HCAR1: variants seen among roughly 807,000 people sequenced by gnomAD.
HCAR1 encodes the protein hydroxycarboxylic acid receptor 1, also known as G protein-coupled receptor 104.
For synonymous variants in HCAR1, 183 were observed against 182.1 expected (o/e 1.01, Z -0.04); for missense variants, 445 against 448.7 (o/e 0.99, Z 0.07).
In HCAR1 at chr12:122,729,629, C is replaced by G. The variant is rs1877883420; in HGVS notation, c.711G>C (p.Val237=). Residue 237 remains valine (V), a synonymous_variant, in exon 1 of 1, where the codon GTG becomes GTC. Coordinates refer to ENST00000432564, the MANE Select transcript of HCAR1 (RefSeq NM_032554.4). The part of the protein sequence containing the change: ...IVFITCYLPS[V]SARLYFLWTV... Reference sequence around the variant, plus strand: ...TCCAGAGGAAATAGAGTCTAGCAGACACGCTGGGCAGGTAGCATGTGATGA... The same window carrying G: ...TCCAGAGGAAATAGAGTCTAGCAGAGACGCTGGGCAGGTAGCATGTGATGA... 40 of 1,614,128 alleles carry G rather than the reference C, an allele frequency of 2.5e-5. No homozygotes were observed. The highest frequency in any genetic ancestry group is 3.4e-5 in the Non-Finnish European group (40 of 1,180,028).
rs1205275642 is a variant in HCAR1 at position 122,726,922 on chromosome 12, A to ATATATATAT, written c.*2376_*2377insATATATATA. On this transcript the variant is annotated 3_prime_UTR_variant, in exon 1 of 1. Coordinates refer to ENST00000432564, the MANE Select transcript of HCAR1 (RefSeq NM_032554.4). ...AGCAAGACTCTGTCTCAAAAAAAAA[A>ATATATATAT]AAAAAAATATATATATATATAGATA... 5 of 90,922 alleles carry ATATATATAT rather than the reference A, an allele frequency of 5.5e-5. No individual in the cohort carries two copies. The highest frequency in any genetic ancestry group is 2.6e-4 in the African/African-American group (5 of 19,402). The allele number at this position is 90,922 out of a possible 1,614,324, so 5.6% of individuals were successfully genotyped here.
In HCAR1 at chr12:122,730,318, G is replaced by T; in HGVS notation, c.22C>A (p.Arg8Ser). The T allele has an allele frequency of 6.3e-7, 1 of 1,585,856 alleles. No individual in the cohort carries two copies. Among genetic ancestry groups the T allele is most frequent in the Non-Finnish European group, 8.6e-7 (1 of 1,163,130 alleles). ...TGGGAGATGGTGTCCCCCTCGATGC[G>T]GCAGCACGACCCGTTGTACATGGCG... is the stretch of plus-strand genomic sequence containing the variant. Reference protein sequence around the residue: MYNGSCCRIEGDTISQVM... With the variant: MYNGSCCSIEGDTISQVM... Residue 8 changes from arginine (R) to serine (S), a missense_variant, in exon 1 of 1, where the codon CGC becomes AGC. Transcript: ENST00000432564.
In HCAR1 at chr12:122,727,027, C is replaced by T. The variant is rs770603514; in HGVS notation, c.*2272G>A. 6 of 151,648 alleles carry T rather than the reference C, an allele frequency of 4.0e-5. No individual in the cohort carries two copies. Among genetic ancestry groups the T allele is most frequent in the Non-Finnish European group, 7.3e-5 (5 of 68,028 alleles). The allele number at this position is 151,648 out of a possible 1,614,324, so 9.4% of individuals were successfully genotyped here. Reference sequence around the variant, plus strand: ...GTGGCTCATGCTGGCAATCGCAATACTTTGGGAGGCCAAGGTGGGAGGATT... The same window carrying T: ...GTGGCTCATGCTGGCAATCGCAATATTTTGGGAGGCCAAGGTGGGAGGATT... On this transcript the variant is annotated 3_prime_UTR_variant, in exon 1 of 1. Coordinates refer to ENST00000432564, the MANE Select transcript of HCAR1 (RefSeq NM_032554.4).
At position 122,730,153 on chromosome 12, in the gene HCAR1, G is replaced by A. The variant is rs138446551; in HGVS notation, c.187C>T (p.Leu63Phe). Residue 63 changes from leucine to phenylalanine, a missense_variant, in exon 1 of 1, where the codon CTC becomes TTC. Coordinates refer to ENST00000432564, the MANE Select transcript of HCAR1 (RefSeq NM_032554.4). ...CGAAAAGGCAGGCAGATCATAAGGA[G>A]GAAATCAGCCACGGCCAAATTGAAA... ...YLFNLAVADF[L>F]LMICLPFRTD... The A allele has an allele frequency of 1.9e-6, 3 of 1,614,138 alleles. No homozygotes were observed. The East Asian group carries it at 6.7e-5, about 36-fold the overall frequency.
Position 122,727,831 on chromosome 12 carries a change from G to A in HCAR1, c.*1468C>T, listed in dbSNP as rs1230219341. ...CATTTGAGAGAGTATAAATTAAGGA[G>A]TTGAGAACCATGTTCACCACTTTGT... On this transcript the variant is annotated 3_prime_UTR_variant, in exon 1 of 1. Transcript: ENST00000432564. 3 of 152,188 alleles carry A rather than the reference G, an allele frequency of 2.0e-5. No individual in the cohort carries two copies. The highest frequency in any genetic ancestry group is 7.2e-5 in the African/African-American group (3 of 41,436). 9.4% of individuals were successfully genotyped at this position (152,188 alleles called of 1,614,324 possible). A position where few individuals can be genotyped will look rare whatever the true frequency, so the allele number is the denominator to read the frequency against.
In HCAR1 at chr12:122,729,189, G is replaced by A; in HGVS notation, c.*110C>T. On this transcript the variant is annotated 3_prime_UTR_variant, in exon 1 of 1. Transcript: ENST00000432564. ...GAAGGATGCAGTTCATGTGCGAGAA[G>A]CCGTCTTGCAATAAGAAAGGGGGGT... 1 of 900,502 alleles carries A rather than the reference G, an allele frequency of 1.1e-6. No individual in the cohort carries two copies. Among genetic ancestry groups the A allele is most frequent in the African/African-American group, 1.7e-5 (1 of 60,186 alleles). The allele number at this position is 900,502 out of a possible 1,614,324, so 55.8% of individuals were successfully genotyped here. A position where few individuals can be genotyped will look rare whatever the true frequency, so the allele number is the denominator to read the frequency against.
In HCAR1 at chr12:122,730,214, G is replaced by C. The variant is rs760708002; in HGVS notation, c.126C>G (p.Phe42Leu). 6.2e-7 allele frequency: 1 copy of C among 1,614,208 alleles called. No homozygotes were observed. The highest frequency in any genetic ancestry group is 8.5e-7 in the Non-Finnish European group (1 of 1,180,038). Reference protein sequence around the residue: ...GNGVALCGFCFHMKTWKPSTV... With the variant: ...GNGVALCGFCLHMKTWKPSTV... ...TGCTGGGCTTCCAGGTCTTCATGTGGAAGCAGAAACCACACAGGGCGACCC... is the reference window on the plus strand; with the variant it reads ...TGCTGGGCTTCCAGGTCTTCATGTGCAAGCAGAAACCACACAGGGCGACCC... Residue 42 changes from phenylalanine to leucine, a missense_variant, in exon 1 of 1, where the codon TTC becomes TTG. Physicochemically the swap from Phe to Leu is conservative, Grantham distance 22 (BLOSUM62 0). Transcript: ENST00000432564.
rs147527799 is a variant in HCAR1, at chr12:122,729,897, A to G, written c.443T>C (p.Val148Ala). The change falls in exon 1 of 1, where the codon GTG becomes GCG. Residue 148 changes from valine (V) to alanine (A), a missense_variant. By Grantham distance (64) the Val-to-Ala change is moderately conservative. Coordinates refer to ENST00000432564, the MANE Select transcript of HCAR1 (RefSeq NM_032554.4). Reference sequence around the variant, plus strand: ...GAGATGGTTCTCCAGCAAAAGATACACTGTTCCCAGGATGACCAGGGCCCA... The same window carrying G: ...GAGATGGTTCTCCAGCAAAAGATACGCTGTTCCCAGGATGACCAGGGCCCA... Reference protein sequence around the residue: ...TLWALVILGTVYLLLENHLCV... With the variant: ...TLWALVILGTAYLLLENHLCV... The G allele has an allele frequency of 1.1e-5, 18 of 1,611,988 alleles. No homozygotes were observed. Among genetic ancestry groups the G allele is most frequent in the Non-Finnish European group, 1.4e-5 (16 of 1,178,630 alleles).
Position 122,729,125 on chromosome 12 carries a change from A to G in HCAR1, c.*174T>C, listed in dbSNP as rs997866985. 5 of 639,760 alleles carry G rather than the reference A, an allele frequency of 7.8e-6. No homozygotes were observed. In the African/African-American group the frequency reaches 9.2e-5, roughly 12 times the overall value. The allele number at this position is 639,760 out of a possible 1,614,324, so 39.6% of individuals were successfully genotyped here. A position where few individuals can be genotyped will look rare whatever the true frequency, so the allele number is the denominator to read the frequency against. On this transcript the variant is annotated 3_prime_UTR_variant, in exon 1 of 1. Transcript: ENST00000432564. ...ACTTCAATCAACTGGAACCTCCCCA[A>G]AAGGTATAGTTGTGTGAATTTCATT...
In HCAR1 at chr12:122,729,139, G is replaced by T; in HGVS notation, c.*160C>A. 1.5e-6 allele frequency: 1 copy of T among 672,008 alleles called. No individual in the cohort carries two copies. The highest frequency in any genetic ancestry group is 2.5e-6 in the Non-Finnish European group (1 of 397,584). The allele number at this position is 672,008 out of a possible 1,614,324, so 41.6% of individuals were successfully genotyped here. A position where few individuals can be genotyped will look rare whatever the true frequency, so the allele number is the denominator to read the frequency against. On this transcript the variant is annotated 3_prime_UTR_variant, in exon 1 of 1. Transcript: ENST00000432564. ...GAACCTCCCCAAAAGGTATAGTTGT[G>T]TGAATTTCATTTCCGACAGAATGAG...
Position 122,727,690 on chromosome 12 carries a change from C to G in HCAR1, c.*1609G>C, listed in dbSNP as rs1426118011. ...CCATGTTGGTCAGGCTGGTCTAGAA[C>G]TCCTGACCTCAGGTGATCCGCCTCA... On this transcript the variant is annotated 3_prime_UTR_variant, in exon 1 of 1. Coordinates refer to ENST00000432564, the MANE Select transcript of HCAR1 (RefSeq NM_032554.4). The G allele has an allele frequency of 1.3e-5, 2 of 152,246 alleles. No homozygotes were observed. The highest frequency in any genetic ancestry group is 2.9e-5 in the Non-Finnish European group (2 of 68,072). 9.4% of individuals were successfully genotyped at this position (152,246 alleles called of 1,614,324 possible).
In HCAR1 at chr12:122,728,276, T is replaced by G. The variant is rs1446023162; in HGVS notation, c.*1023A>C. 2.0e-5 allele frequency: 3 copies of G among 152,186 alleles called. No homozygotes were observed. Among genetic ancestry groups the G allele is most frequent in the Non-Finnish European group, 4.4e-5 (3 of 68,036 alleles). The allele number at this position is 152,186 out of a possible 1,614,324, so 9.4% of individuals were successfully genotyped here. A position where few individuals can be genotyped will look rare whatever the true frequency, so the allele number is the denominator to read the frequency against. On this transcript the variant is annotated 3_prime_UTR_variant, in exon 1 of 1. Transcript: ENST00000432564. Reference sequence around the variant, plus strand: ...AAGCAATTGTATTGGACTCAGCACATCCCACTGGAGAAGCCAGGGCAAGGA... The same window carrying G: ...AAGCAATTGTATTGGACTCAGCACAGCCCACTGGAGAAGCCAGGGCAAGGA...
rs777305848 is a variant in HCAR1, at chr12:122,730,387, C to T, written c.-48G>A. The T allele has an allele frequency of 2.1e-6, 3 of 1,426,370 alleles. No individual in the cohort carries two copies. The Admixed American group carries it at 7.1e-5, about 34-fold the overall frequency. The allele number at this position is 1,426,370 out of a possible 1,614,324, so 88.4% of individuals were successfully genotyped here. On this transcript the variant is annotated 5_prime_UTR_variant, in exon 1 of 1. Coordinates refer to ENST00000432564, the MANE Select transcript of HCAR1 (RefSeq NM_032554.4). ...GGGTGCAGAGCAGCCCAGGGAGTCCCCACAATGGCACAGATGCTTATCTGA... is the reference window on the plus strand; with the variant it reads ...GGGTGCAGAGCAGCCCAGGGAGTCCTCACAATGGCACAGATGCTTATCTGA...
chr12:122,729,816 C>T lies in HCAR1; in HGVS notation c.524G>A (p.Gly175Asp). 6.2e-7 allele frequency: 1 copy of T among 1,609,542 alleles called. No individual in the cohort carries two copies. The highest frequency in any genetic ancestry group is 1.1e-5 in the South Asian group (1 of 91,070). Residue 175 changes from glycine to aspartate, a missense_variant, in exon 1 of 1, where the codon GGC becomes GAC. Gly to Asp is a moderately conservative substitution (Grantham distance 94). Coordinates refer to ENST00000432564, the MANE Select transcript of HCAR1 (RefSeq NM_032554.4). ...CAGCTGGAACATGATGTCATGCCAG[C>T]CATTGGCCGACTCCATGATGAAGCT... ...CESFIMESAN[G>D]WHDIMFQLEF...
At position 122,728,496 on chromosome 12, in the gene HCAR1, A is replaced by T. The variant is rs905968238; in HGVS notation, c.*803T>A. On this transcript the variant is annotated 3_prime_UTR_variant, in exon 1 of 1. Transcript: ENST00000432564. The stretch of plus-strand genomic sequence containing the variant: ...TGATAGATCAATAGATCCCAATCTA[A>T]AGAGCCTCATTCGGCCTGAAATAAA... The T allele has an allele frequency of 5.3e-5, 8 of 152,240 alleles. No homozygotes were observed. The highest frequency in any genetic ancestry group is 1.9e-4 in the African/African-American group (8 of 41,474). The allele number at this position is 152,240 out of a possible 1,614,324, so 9.4% of individuals were successfully genotyped here. A position where few individuals can be genotyped will look rare whatever the true frequency, so the allele number is the denominator to read the frequency against.
chr12:122,728,223 C>G lies in HCAR1; in HGVS notation c.*1076G>C, dbSNP rs1424952462. 1.3e-5 allele frequency: 2 copies of G among 152,226 alleles called. No individual in the cohort carries two copies. The highest frequency in any genetic ancestry group is 2.9e-5 in the Non-Finnish European group (2 of 68,044). 9.4% of individuals were successfully genotyped at this position (152,226 alleles called of 1,614,324 possible). ...AGTGAATAATTTCAATTCACAGTCA[C>G]ATGACAAGTTGTCAAAAGCAATTAT... On this transcript the variant is annotated 3_prime_UTR_variant, in exon 1 of 1. Transcript: ENST00000432564.
Position 122,726,889 on chromosome 12 carries a change from G to C in HCAR1, c.*2410C>G, listed in dbSNP as rs181036468. Reference sequence around the variant, plus strand: ...GATTGGGCCACTGTACTCCAGCCTGGGTGATAGAGCAAGACTCTGTCTCAA... The same window carrying C: ...GATTGGGCCACTGTACTCCAGCCTGCGTGATAGAGCAAGACTCTGTCTCAA... On this transcript the variant is annotated 3_prime_UTR_variant, in exon 1 of 1. Coordinates refer to ENST00000432564, the MANE Select transcript of HCAR1 (RefSeq NM_032554.4). 2.0e-5 allele frequency: 3 copies of C among 146,856 alleles called. No individual in the cohort carries two copies. The highest frequency in any genetic ancestry group is 7.6e-5 in the African/African-American group (3 of 39,590). 9.1% of individuals were successfully genotyped at this position (146,856 alleles called of 1,614,324 possible). A position where few individuals can be genotyped will look rare whatever the true frequency, so the allele number is the denominator to read the frequency against.
rs1259663169 is a variant in HCAR1 at position 122,729,167 on chromosome 12, G to A, written c.*132C>T. 4 of 741,262 alleles carry A rather than the reference G, an allele frequency of 5.4e-6. No individual in the cohort carries two copies. Among genetic ancestry groups the A allele is most frequent in the Non-Finnish European group, 6.7e-6 (3 of 449,296 alleles). The allele number at this position is 741,262 out of a possible 1,614,324, so 45.9% of individuals were successfully genotyped here. A position where few individuals can be genotyped will look rare whatever the true frequency, so the allele number is the denominator to read the frequency against. On this transcript the variant is annotated 3_prime_UTR_variant, in exon 1 of 1. Transcript: ENST00000432564. Reference sequence around the variant, plus strand: ...AATTTCATTTCCGACAGAATGAGAAGGATGCAGTTCATGTGCGAGAAGCCG... The same window carrying A: ...AATTTCATTTCCGACAGAATGAGAAAGATGCAGTTCATGTGCGAGAAGCCG...
chr12:122,729,628 A>G lies in HCAR1; in HGVS notation c.712T>C (p.Ser238Pro). 3 of 1,614,126 alleles carry G rather than the reference A, an allele frequency of 1.9e-6. No homozygotes were observed. Among genetic ancestry groups the G allele is most frequent in the Non-Finnish European group, 2.5e-6 (3 of 1,180,022 alleles). The stretch of plus-strand genomic sequence containing the variant: ...GTCCAGAGGAAATAGAGTCTAGCAG[A>G]CACGCTGGGCAGGTAGCATGTGATG... Reference protein sequence around the residue: ...VFITCYLPSVSARLYFLWTVP... With the variant: ...VFITCYLPSVPARLYFLWTVP... The change falls in exon 1 of 1, where the codon TCT becomes CCT. Residue 238 changes from serine to proline, a missense_variant. Physicochemically the swap from Ser to Pro is moderately conservative, Grantham distance 74. Coordinates refer to ENST00000432564, the MANE Select transcript of HCAR1 (RefSeq NM_032554.4).
Sources: gnomAD v4.1 joint callset for allele counts on GRCh38, gnomAD v4.1.1 for gene constraint, MANE v1.5 for transcripts, NCBI Gene and HGNC (gene_info 2026-07-23, HGNC 2026-07-21) for gene names.